Variants in PCDH15 observed in about 807,000 individuals in gnomAD.
The protein encoded by PCDH15 is protocadherin related 15.
A neutral mutation model predicts 178.5 loss-of-function variants in PCDH15; 129 were observed. The observed-to-expected ratio is 0.72, with a 90% CI of 0.63 to 0.84. PCDH15 has a LOEUF of 0.84. PCDH15 is among the 40% of genes least tolerant of loss of function. The pLI, the probability that PCDH15 is intolerant of heterozygous loss-of-function variation, is 0.00. For missense variants in PCDH15, 2,230 were observed against 2,099.9 expected (o/e 1.06, Z -1.21); for synonymous variants, 800 against 732.0 (o/e 1.09, Z -1.50).
chr10:54,795,688 A>G (rs150598696), intron 1 of PCDH15, among the ~76,000 whole-genome samples: 158 of 152,022 alleles, frequency 1.0e-3, no homozygotes, highest in African/African-American at 3.5e-3. Flanking sequence ...GAGCAAGACT[A>G]TGAGATAGAA....
At chr10:55,490,418 A>G (rs1413379776) in intron 2 of PCDH15, among the ~76,000 whole-genome samples, 1 of 151,804 alleles carries the variant, frequency 6.6e-6, no homozygotes, top group Non-Finnish European at 1.5e-5. Flanking sequence ...AACAATTGAT[A>G]AAGAAAATTC....
intron 2 of PCDH15, among the ~76,000 whole-genome samples, chr10:54,555,797 A>G (rs531051501): frequency 7.8e-4 from 119 of 151,668 alleles, no homozygotes; most frequent in African/African-American, 2.7e-3. Flanking sequence ...AGAATCACCC[A>G]TTCATAATCA....
chr10:54,461,184 A>G (rs1372590398), intron 3 of PCDH15, among the ~76,000 whole-genome samples: 1 of 152,144 alleles, frequency 6.6e-6, no homozygotes, highest in Non-Finnish European at 1.5e-5. Flanking sequence ...AATAATAAAG[A>G]AAATGTAATG....
At chr10:55,452,598 T>G (rs532705322) in intron 2 of PCDH15, among the ~76,000 whole-genome samples, 1 of 152,312 alleles carries the variant, frequency 6.6e-6, no homozygotes, top group African/African-American at 2.4e-5. Context: ...TTTGTTCTTT[T>G]ATGGTGTATA....
intron 3 of PCDH15, among the ~76,000 whole-genome samples, chr10:54,480,866 A>G (rs778781744): frequency 3.3e-5 from 5 of 151,968 alleles, no homozygotes; most frequent in Non-Finnish European, 7.4e-5. Context: ...AGTATTTGCT[A>G]AGTATGATAA....
intron 8 of PCDH15, among the ~76,000 whole-genome samples, chr10:54,310,589 C>A (rs1345932171): frequency 6.6e-6 from 1 of 151,946 alleles, no homozygotes; most frequent in Non-Finnish European, 1.5e-5. Context: ...CTGCCAGAAA[C>A]ACAGTTAAAA....
At chr10:55,346,690 G>A (rs1416131882) in intron 2 of PCDH15, among the ~76,000 whole-genome samples, 1 of 150,696 alleles carries the variant, frequency 6.6e-6, no homozygotes, top group Non-Finnish European at 1.5e-5. Context: ...TCCTATCTTT[G>A]GACTTTTTTT....
At chr10:54,856,370 T>C (rs986157561) in intron 3 of PCDH15, among the ~76,000 whole-genome samples, 3 of 152,172 alleles carry the variant, frequency 2.0e-5, no homozygotes, top group Non-Finnish European at 4.4e-5. Flanking sequence ...CAGGAAGCAG[T>C]ACTGGACAGC....
At chr10:53,879,070 T>C (rs756697066) in intron 26 of PCDH15, among the ~76,000 whole-genome samples, 1 of 151,600 alleles carries the variant, frequency 6.6e-6, no homozygotes, top group Non-Finnish European at 1.5e-5. Context: ...GAATACTTTG[T>C]AGCTATCTTC....
chr10:54,802,229 C>T (rs143902189), upstream of PCDH15, among the ~76,000 whole-genome samples: 45 of 152,236 alleles, frequency 3.0e-4, no homozygotes, highest in African/African-American at 1.1e-3. Context: ...ACCATGCCTC[C>T]AGAAATGTTG....
intron 3 of PCDH15, among the ~76,000 whole-genome samples, chr10:54,478,428 A>G (rs1467840603): frequency 6.6e-6 from 1 of 152,142 alleles, no homozygotes; most frequent in Non-Finnish European, 1.5e-5. Flanking sequence ...CCAAAATTCA[A>G]TGTTATTCAT....
intron 18 of PCDH15, among the ~76,000 whole-genome samples, chr10:54,033,575 C>T (rs2093351134): frequency 6.6e-6 from 1 of 151,852 alleles, no homozygotes; most frequent in Admixed American, 6.6e-5. Flanking sequence ...CTATATGGGG[C>T]AACTCAGGGT....
chr10:55,591,012 TAAAAC>T (rs1294642182), intron 2 of PCDH15, among the ~76,000 whole-genome samples: 1 of 152,086 alleles, frequency 6.6e-6, no homozygotes, highest in Non-Finnish European at 1.5e-5. Flanking sequence ...AAAAAATAAA[TAAAAC>T]AAAATCTCAC....
chr10:55,139,638 C>G (rs1322201986), intron 2 of PCDH15, among the ~76,000 whole-genome samples: 1 of 151,950 alleles, frequency 6.6e-6, no homozygotes, highest in Non-Finnish European at 1.5e-5. Flanking sequence ...TCATTCTGTT[C>G]CATCGATCTG....
At chr10:54,385,748 T>TA (rs1949840261) in intron 3 of PCDH15, among the ~76,000 whole-genome samples, 1 of 152,150 alleles carries the variant, frequency 6.6e-6, no homozygotes, top group East Asian at 1.9e-4. Flanking sequence ...TTGCCCTTTT[T>TA]AAAAAATCAA....
chr10:54,881,223 G>A (rs1954257717), intron 3 of PCDH15, among the ~76,000 whole-genome samples: 1 of 152,050 alleles, frequency 6.6e-6, no homozygotes, highest in Non-Finnish European at 1.5e-5. Flanking sequence ...GGGGCGCTTT[G>A]AGGAATTACT....
intron 25 of PCDH15, among the ~76,000 whole-genome samples, chr10:53,906,291 G>T (rs946645929): frequency 4.6e-5 from 7 of 151,860 alleles, no homozygotes; most frequent in Non-Finnish European, 7.4e-5. Context: ...ACTTTAGGCA[G>T]TTGTTATGTA....
chr10:54,447,950 T>G (rs1250866108), intron 3 of PCDH15, among the ~76,000 whole-genome samples: 2 of 86,230 alleles, frequency 2.3e-5, no homozygotes, highest in East Asian at 4.3e-4. Flanking sequence ...AGAAAGTATA[T>G]TACTCAATTT....
intron 3 of PCDH15, among the ~76,000 whole-genome samples, chr10:54,507,324 T>C (rs1005196357): frequency 2.0e-4 from 31 of 151,424 alleles, no homozygotes; most frequent in African/African-American, 7.2e-4. Context: ...ATTTAATACA[T>C]ATATAATTTA....
Sources: gnomAD v4.1 joint callset for allele counts (sites outside exome capture counted in the v4.1 genomes callset) on GRCh38, gnomAD v4.1.1 for gene constraint, MANE v1.5 for transcripts, NCBI Gene and HGNC (gene_info 2026-07-23, HGNC 2026-07-21) for gene names.